Variants in STN1 observed in about 807,000 individuals in gnomAD.
STN1 encodes the protein CST complex subunit STN1.
Under a neutral mutation model 45.5 loss-of-function variants are expected in STN1, and 29 were observed. The observed-to-expected ratio is 0.64, with a 90% CI of 0.47 to 0.87. The LOEUF is 0.87. Among genes scored for constraint, STN1 ranks in the 40% least tolerant of loss-of-function variants. STN1 has a pLI of 0.00. For synonymous variants in STN1, 148 were observed against 159.0 expected, an observed-to-expected ratio of 0.93 and a Z score of 0.52; for missense variants, 376 against 441.4, an observed-to-expected ratio of 0.85 and a Z score of 1.33.
chr10:103,900,285 CTG>C (rs1410515060), intron 4 of STN1, 62 bp from the exon 5 acceptor site: 53 of 1,537,046 alleles, frequency 3.4e-5, no homozygotes, highest in Admixed American at 1.8e-4. Context: ...TCTACCACAT[CTG>C]TGAGACAGTT....
chr10:103,914,363 T>C (rs1167808264), intron 2 of STN1, among the ~76,000 whole-genome samples: 2 of 17,282 alleles, frequency 1.2e-4, no homozygotes, highest in African/African-American at 2.5e-4. Flanking sequence ...TATATATATA[T>C]ATATATATAT....
chr10:103,882,952 T>C (rs926215851), intron 9 of STN1, 111 bp from the exon 10 acceptor site: 20 of 1,056,214 alleles, frequency 1.9e-5, no homozygotes, highest in African/African-American at 1.6e-4. Context: ...AGATGATCTT[T>C]ATGCACATTA....
chr10:103,877,632 T>A lies in STN1; in HGVS notation c.*5052A>T, dbSNP rs1843039480. On this transcript the variant is annotated 3_prime_UTR_variant, in exon 10 of 10. Coordinates refer to ENST00000224950, the MANE Select transcript of STN1 (RefSeq NM_024928.5). The stretch of plus-strand genomic sequence containing the variant: ...AGAGGTTAACAGATGATAGTGCAAG[T>A]TCAATAGAAGTAGGGTGATTTAAAA... 1 of 152,210 alleles carries A rather than the reference T, an allele frequency of 6.6e-6. No homozygotes were observed. The highest frequency in any genetic ancestry group is 6.5e-5 in the Admixed American group (1 of 15,284). 9.4% of individuals were successfully genotyped at this position (152,210 alleles called of 1,614,324 possible).
intron 9 of STN1, among the ~76,000 whole-genome samples, chr10:103,885,856 T>A (rs1843099699): frequency 6.6e-6 from 1 of 152,210 alleles, no homozygotes; most frequent in Non-Finnish European, 1.5e-5. Context: ...GACATAGTTA[T>A]CTTATGACGG....
Position 103,882,781 on chromosome 10 carries a change from G to C in STN1, c.1010C>G (p.Pro337Arg). ...CTGCAGCACAGCCTCGCTCAGGCCC[G>C]GGCGGATGCTCAGGCGAGCACAGGC... ...ILACARLSIRPGLSEAVLQQV... is the reference protein window; with the variant it reads ...ILACARLSIRRGLSEAVLQQV... Residue 337 changes from proline (P) to arginine (R), a missense_variant, in exon 10 of 10, where the codon CCG becomes CGG. Coordinates refer to ENST00000224950, the MANE Select transcript of STN1 (RefSeq NM_024928.5). 1.2e-6 allele frequency: 2 copies of C among 1,614,174 alleles called. No homozygotes were observed. Among genetic ancestry groups the C allele is most frequent in the Non-Finnish European group, 1.7e-6 (2 of 1,180,044 alleles).
chr10:103,897,521 A>T (rs1485341786), intron 7 of STN1, 27 bp downstream of exon 7: 2 of 1,609,386 alleles, frequency 1.2e-6, no homozygotes, highest in East Asian at 4.5e-5. Flanking sequence ...GGGAACCAGA[A>T]TTCTCACATG....
At chr10:103,905,547 C>A (rs997797546) in intron 3 of STN1, among the ~76,000 whole-genome samples, 12 of 152,216 alleles carry the variant, frequency 7.9e-5, no homozygotes, top group African/African-American at 2.4e-4. Context: ...CTCTCCCACC[C>A]TGAAACAAGA....
intron 9 of STN1, among the ~76,000 whole-genome samples, chr10:103,883,207 T>G (rs1589495017): frequency 1.3e-5 from 2 of 152,318 alleles, no homozygotes; most frequent in East Asian, 1.9e-4. Context: ...CTCTAGTTTC[T>G]CAGGGAGGAG....
intron 2 of STN1, among the ~76,000 whole-genome samples, chr10:103,916,621 T>C (rs1157979835): frequency 6.6e-6 from 1 of 152,192 alleles, no homozygotes; most frequent in East Asian, 1.9e-4. Flanking sequence ...ACTGGAAAGC[T>C]TCACTCAAAA....
In STN1 at chr10:103,880,580, A is replaced by T. The variant is rs568423344; in HGVS notation, c.*2104T>A. On this transcript the variant is annotated 3_prime_UTR_variant, in exon 10 of 10. Transcript: ENST00000224950. The stretch of plus-strand genomic sequence containing the variant: ...TGGCTTTGGGCCTGTGAAATCTGAG[A>T]TGTCCATTAGAGACCTAAGTGGAGA... 6.6e-6 allele frequency among the ~76,000 whole-genome samples: 1 copy of T among 152,222 alleles called. No individual in the cohort carries two copies. The highest frequency in any genetic ancestry group is 1.5e-5 in the Non-Finnish European group (1 of 68,042).
intron 3 of STN1, among the ~76,000 whole-genome samples, chr10:103,905,702 C>A (rs1843236142): frequency 1.3e-5 from 2 of 152,148 alleles, no homozygotes; most frequent in Non-Finnish European, 2.9e-5. Flanking sequence ...ATCTTTTGCC[C>A]AGTCCTCACC....
chr10:103,908,450 G>C (rs1045266382), intron 3 of STN1, among the ~76,000 whole-genome samples: 4 of 152,162 alleles, frequency 2.6e-5, no homozygotes, highest in African/African-American at 7.2e-5. Flanking sequence ...GAGTCAGTGC[G>C]AGCAGGAAGC....
intron 9 of STN1, 120 bp from the exon 10 acceptor site, chr10:103,882,961 T>A: frequency 1.0e-6 from 1 of 972,640 alleles, no homozygotes. Flanking sequence ...TTATGCACAT[T>A]AAAGTCAGAA....
chr10:103,914,359 TATATATATATATA>T (rs1236522691), intron 2 of STN1, among the ~76,000 whole-genome samples: 11,849 of 42,356 alleles, frequency 0.28, 1,493 homozygotes, highest in Non-Finnish European at 0.35. Context: ...TATATATATA[TATATATATATATA>T]TATTTTTTTT....
At position 103,892,237 on chromosome 10, in the gene STN1, CCTT is replaced by C; in HGVS notation, c.766_768del (p.Lys256del). On this transcript the variant is annotated inframe_deletion, in exon 8 of 10. Coordinates refer to ENST00000224950, the MANE Select transcript of STN1 (RefSeq NM_024928.5). ...CTATGAATTGCCTTGGAAGTGGTGT[CCTT>C]CTTAAAATTCACCTGTAAAGAGAGG... 3.8e-6 allele frequency: 6 copies of C among 1,597,698 alleles called. No homozygotes were observed. Among genetic ancestry groups the C allele is most frequent in the South Asian group, 1.1e-5 (1 of 86,986 alleles).
chr10:103,902,684 TTAAC>T (rs1843217032), intron 4 of STN1, among the ~76,000 whole-genome samples: 1 of 152,226 alleles, frequency 6.6e-6, no homozygotes, highest in African/African-American at 2.4e-5. Context: ...TTCTTTTACT[TTAAC>T]TGAGTGGAAC....
chr10:103,911,860 C>T (rs1207419335), intron 2 of STN1, among the ~76,000 whole-genome samples: 1 of 152,098 alleles, frequency 6.6e-6, no homozygotes, highest in Non-Finnish European at 1.5e-5. Flanking sequence ...GCTCTGTTTC[C>T]CTTGTAGACA....
chr10:103,889,290 C>T (rs1843123319), intron 8 of STN1, 146 bp from the exon 9 acceptor site: 4 of 600,982 alleles, frequency 6.7e-6, no homozygotes, highest in South Asian at 1.9e-5. Flanking sequence ...GTGTTTGATA[C>T]TTGGCCTAGT....
chr10:103,914,355 T>TAC (rs1260424258), intron 2 of STN1, among the ~76,000 whole-genome samples: 25 of 33,178 alleles, frequency 7.5e-4, no homozygotes, highest in African/African-American at 1.7e-3. Context: ...TATATATATA[T>TAC]ATATATATAT....
Sources: allele counts gnomAD v4.1 joint callset (sites outside exome capture counted in the v4.1 genomes callset), GRCh38; gene constraint gnomAD v4.1.1; transcripts MANE v1.5; gene names NCBI Gene and HGNC (gene_info 2026-07-23, HGNC 2026-07-21).